PAG1: variants seen among roughly 807,000 people sequenced by gnomAD.
PAG1 encodes phosphoprotein associated with glycosphingolipid-enriched microdomains 1.
In PAG1, 23 loss-of-function variants were observed where a neutral mutation model predicts 31.7. That is an observed-to-expected ratio of 0.73 (90% confidence interval 0.52 to 1.03). PAG1 has a LOEUF of 1.03. Ranked by LOEUF, PAG1 falls within the 50% of genes least tolerant of loss-of-function variation. The pLI is 0.00. For missense variants in PAG1, 473 were observed against 540.7 expected (o/e 0.87, Z 1.24); for synonymous variants, 214 against 210.3 (o/e 1.02, Z -0.15).
intron 3 of PAG1, among the ~76,000 whole-genome samples, chr8:80,996,593 C>T (rs904303409): frequency 6.6e-6 from 1 of 152,088 alleles, no homozygotes; most frequent in Non-Finnish European, 1.5e-5. Context: ...GTCGGTGGAC[C>T]GGCTCCTCCC....
intron 3 of PAG1, among the ~76,000 whole-genome samples, chr8:81,009,913 G>C (rs7845568): frequency 0.64 from 96,574 of 152,026 alleles, 31,082 homozygotes; most frequent in Admixed American, 0.7. Context: ...CTGTGCCCAG[G>C]CCAAACTTTT....
At chr8:81,105,317 T>C (rs1176562865) in intron 1 of PAG1, among the ~76,000 whole-genome samples, 2 of 150,682 alleles carry the variant, frequency 1.3e-5, no homozygotes, top group African/African-American at 5.0e-5. Flanking sequence ...TGGTATCATA[T>C]TAATATATAT....
chr8:80,996,753 C>G (rs1206801890), intron 3 of PAG1, among the ~76,000 whole-genome samples: 1 of 152,148 alleles, frequency 6.6e-6, no homozygotes, highest in African/African-American at 2.4e-5. Context: ...GGTTTAACTG[C>G]CCTTAAATGC....
At chr8:81,047,531 T>C (rs555536264) in intron 2 of PAG1, among the ~76,000 whole-genome samples, 14 of 152,186 alleles carry the variant, frequency 9.2e-5, no homozygotes, top group Non-Finnish European at 2.1e-4. Context: ...TATACAATAA[T>C]CACTTAAACA....
Position 80,970,600 on chromosome 8 carries a change from T to C in PAG1, c.*5944A>G, listed in dbSNP as rs779704924. ...CACTGTGGGGAACACTAAGCTTACT[T>C]GGTTAGAGCACGGCACTAACATTTC... On this transcript the variant is annotated 3_prime_UTR_variant, in exon 9 of 9. Coordinates refer to ENST00000220597, the MANE Select transcript of PAG1 (RefSeq NM_018440.4). 6.6e-6 allele frequency: 1 copy of C among 152,662 alleles called. No homozygotes were observed. Among genetic ancestry groups the C allele is most frequent in the Admixed American group, 6.5e-5 (1 of 15,284 alleles). The allele number at this position is 152,662 out of a possible 1,614,324, so 9.5% of individuals were successfully genotyped here.
At chr8:80,979,830 T>C (rs1452645193) in intron 8 of PAG1, among the ~76,000 whole-genome samples, 1 of 152,198 alleles carries the variant, frequency 6.6e-6, no homozygotes, top group Non-Finnish European at 1.5e-5. Context: ...TCATATTATA[T>C]GTATAATACT....
At chr8:81,056,450 A>G (rs1375239733) in intron 2 of PAG1, among the ~76,000 whole-genome samples, 12 of 152,184 alleles carry the variant, frequency 7.9e-5, no homozygotes, top group Non-Finnish European at 1.6e-4. Flanking sequence ...GACAAACCTG[A>G]CAAAAACAAG....
chr8:81,054,205 C>T (rs1808777641), intron 2 of PAG1, among the ~76,000 whole-genome samples: 2 of 152,060 alleles, frequency 1.3e-5, no homozygotes, highest in Non-Finnish European at 2.9e-5. Context: ...ATTGTGAATT[C>T]CCATTCTGTT....
chr8:81,033,216 T>C (rs1023976574), intron 2 of PAG1, among the ~76,000 whole-genome samples: 1 of 151,292 alleles, frequency 6.6e-6, no homozygotes, highest in Non-Finnish European at 1.5e-5. Flanking sequence ...AGATCAGTCT[T>C]AAAAAAAAAT....
rs1263541246 is a variant in PAG1, at chr8:81,111,884, G to A, written c.-527C>T. 6.6e-6 allele frequency: 1 copy of A among 152,276 alleles called. No homozygotes were observed. Among genetic ancestry groups the A allele is most frequent in the African/African-American group, 2.4e-5 (1 of 41,452 alleles). 9.4% of individuals were successfully genotyped at this position (152,276 alleles called of 1,614,324 possible). A position where few individuals can be genotyped will look rare whatever the true frequency, so the allele number is the denominator to read the frequency against. ...CGGAGCGCGGCGCTCCGAGCCCCTGGTGGGTGTCTCTGGCTCCAAGGGAAT... is the reference window on the plus strand; with the variant it reads ...CGGAGCGCGGCGCTCCGAGCCCCTGATGGGTGTCTCTGGCTCCAAGGGAAT... On this transcript the variant is annotated 5_prime_UTR_variant, in exon 1 of 9. Transcript: ENST00000220597.
In PAG1 at chr8:80,970,836, T is replaced by C. The variant is rs1563608946; in HGVS notation, c.*5708A>G. 6.5e-6 allele frequency: 1 copy of C among 152,990 alleles called. No homozygotes were observed. The highest frequency in any genetic ancestry group is 1.5e-5 in the Non-Finnish European group (1 of 68,260). The allele number at this position is 152,990 out of a possible 1,614,324, so 9.5% of individuals were successfully genotyped here. A position where few individuals can be genotyped will look rare whatever the true frequency, so the allele number is the denominator to read the frequency against. On this transcript the variant is annotated 3_prime_UTR_variant, in exon 9 of 9. Coordinates refer to ENST00000220597, the MANE Select transcript of PAG1 (RefSeq NM_018440.4). The stretch of plus-strand genomic sequence containing the variant: ...TGGGCAGAGCTGTGACGAGGCATGG[T>C]TCTGTGCCGGCTGGCAGGGTCTGTG...
chr8:81,054,500 C>A (rs974608506), intron 2 of PAG1, among the ~76,000 whole-genome samples: 1 of 151,954 alleles, frequency 6.6e-6, no homozygotes, highest in East Asian at 1.9e-4. Flanking sequence ...CGGTGAAACC[C>A]CCTCTCTACT....
chr8:81,036,332 A>G (rs1472838929), intron 2 of PAG1, among the ~76,000 whole-genome samples: 1 of 152,242 alleles, frequency 6.6e-6, no homozygotes, highest in Non-Finnish European at 1.5e-5. Context: ...AGCTAATTAC[A>G]CACATTCCTT....
chr8:81,007,070 C>A (rs780626858), intron 3 of PAG1, among the ~76,000 whole-genome samples: 6 of 152,122 alleles, frequency 3.9e-5, no homozygotes, highest in Non-Finnish European at 4.4e-5. Flanking sequence ...CTTCTCTATG[C>A]TACGTTTTCA....
At chr8:81,083,704 T>C (rs1369119884) in intron 1 of PAG1, among the ~76,000 whole-genome samples, 1 of 152,198 alleles carries the variant, frequency 6.6e-6, no homozygotes, top group Non-Finnish European at 1.5e-5. Flanking sequence ...TATGTGCCTG[T>C]TGGTGTTTTC....
intron 7 of PAG1, among the ~76,000 whole-genome samples, chr8:80,981,682 C>T (rs1300591422): frequency 6.6e-6 from 1 of 152,010 alleles, no homozygotes; most frequent in Admixed American, 6.5e-5. Flanking sequence ...TTCAGGTGAT[C>T]CCCTCCTTCC....
At chr8:81,019,374 A>G (rs1455338960) in intron 3 of PAG1, among the ~76,000 whole-genome samples, 1 of 152,236 alleles carries the variant, frequency 6.6e-6, no homozygotes, top group Non-Finnish European at 1.5e-5. Context: ...AGAGACCTTC[A>G]CAGCAGCCCC....
At chr8:81,022,470 T>C (rs1167310091) in intron 3 of PAG1, among the ~76,000 whole-genome samples, 1 of 152,184 alleles carries the variant, frequency 6.6e-6, no homozygotes, top group African/African-American at 2.4e-5. Context: ...CTTATCTAAG[T>C]CATTCTGAAT....
intron 2 of PAG1, among the ~76,000 whole-genome samples, chr8:81,053,260 A>G (rs1563644192): frequency 6.6e-6 from 1 of 152,254 alleles, no homozygotes; most frequent in Non-Finnish European, 1.5e-5. Context: ...TTTAATTTTA[A>G]AACATTAATG....
Sources: allele counts gnomAD v4.1 joint callset (sites outside exome capture counted in the v4.1 genomes callset), GRCh38; gene constraint gnomAD v4.1.1; transcripts MANE v1.5; gene names NCBI Gene and HGNC (gene_info 2026-07-23, HGNC 2026-07-21).